CEP41: variants seen among roughly 807,000 people sequenced by gnomAD.
CEP41 encodes the protein centrosomal protein 41, also known as centrosomal protein of 41 kDa.
In CEP41, 32 loss-of-function variants were observed where a neutral mutation model predicts 44.3. The ratio of observed to expected loss-of-function variants is 0.72; its 90% CI spans 0.54 to 0.97. CEP41 has a LOEUF of 0.97. Ranked by LOEUF, CEP41 falls within the 50% of genes least tolerant of loss-of-function variation. The pLI is 0.00. For missense variants in CEP41, 432 were observed against 455.2 expected (o/e 0.95, Z 0.46); for synonymous variants, 151 against 168.5 (o/e 0.90, Z 0.80).
Position 130,411,131 on chromosome 7 carries a change from T to C in CEP41, c.268A>G (p.Arg90Gly). The change falls in exon 5 of 11, where the codon AGG becomes GGG. Residue 90 changes from arginine to glycine, a missense_variant. Coordinates refer to ENST00000223208, the MANE Select transcript of CEP41 (RefSeq NM_018718.3). ...CCTCAATTCTCATTACCTTCCAGCCTTTGAATCTCCTCAGCTGTCACTTCC... is the reference window on the plus strand; with the variant it reads ...CCTCAATTCTCATTACCTTCCAGCCCTTGAATCTCCTCAGCTGTCACTTCC... ...TLEVTAEEIQRLEDNDSAASD... is the reference protein window; with the variant it reads ...TLEVTAEEIQGLEDNDSAASD... 2 of 1,613,992 alleles carry C rather than the reference T, an allele frequency of 1.2e-6. No individual in the cohort carries two copies. Among genetic ancestry groups the C allele is most frequent in the East Asian group, 2.2e-5 (1 of 44,876 alleles).
intron 5 of CEP41, 101 bp from the exon 6 acceptor site, chr7:130,404,809 C>G: frequency 2.0e-6 from 2 of 996,048 alleles, no homozygotes; most frequent in Non-Finnish European, 3.2e-6. Flanking sequence ...ATCTTATCAT[C>G]ATTATTAAAT....
intron 10 of CEP41, chr7:130,399,438 A>G (rs952133365): frequency 8.3e-5 from 21 of 252,392 alleles, no homozygotes; most frequent in Non-Finnish European, 1.5e-4. Flanking sequence ...AAAGCTGCAG[A>G]AGGAATCGAA....
At chr7:130,440,443 G>C (rs1417640000) in intron 1 of CEP41, 4 of 230,206 alleles carry the variant, frequency 1.7e-5, no homozygotes, top group Non-Finnish European at 3.4e-5. Flanking sequence ...GACTAGCGGT[G>C]AAACAGATGA....
In CEP41 at chr7:130,394,439, AAATCT is replaced by A. The variant is rs1562971103; in HGVS notation, c.*4447_*4451del. On this transcript the variant is annotated 3_prime_UTR_variant, in exon 11 of 11. Transcript: ENST00000223208. ...ATTGGCTAGTATTATTATTTTCTGG[AAATCT>A]TCAAGATTTGAAACAAAAGAGAAAA... 2.2e-6 allele frequency: 1 copy of A among 454,092 alleles called. No homozygotes were observed. 28.1% of individuals were successfully genotyped at this position (454,092 alleles called of 1,614,324 possible).
chr7:130,397,553 T>C lies in CEP41; in HGVS notation c.*1338A>G, dbSNP rs1554415307. Reference sequence around the variant, plus strand: ...TTTTTTGGTGGCGAGAAAATAGTACTGTTAAGGCAAATCTTACCCCGTAGC... The same window carrying C: ...TTTTTTGGTGGCGAGAAAATAGTACCGTTAAGGCAAATCTTACCCCGTAGC... On this transcript the variant is annotated 3_prime_UTR_variant, in exon 11 of 11. Coordinates refer to ENST00000223208, the MANE Select transcript of CEP41 (RefSeq NM_018718.3). 4.6e-6 allele frequency: 2 copies of C among 435,750 alleles called. No homozygotes were observed. The highest frequency in any genetic ancestry group is 2.2e-5 in the African/African-American group (1 of 44,812). 27.0% of individuals were successfully genotyped at this position (435,750 alleles called of 1,614,324 possible).
At chr7:130,411,983 A>G in intron 4 of CEP41, 196 bp downstream of exon 4, 1 of 564,918 alleles carries the variant, frequency 1.8e-6, no homozygotes, top group Non-Finnish European at 3.2e-6. Flanking sequence ...ATTCTTATCA[A>G]AGAAGAGAGA....
Position 130,397,802 on chromosome 7 carries a change from T to C in CEP41, c.*1089A>G, listed in dbSNP as rs868916791. On this transcript the variant is annotated 3_prime_UTR_variant, in exon 11 of 11. Coordinates refer to ENST00000223208, the MANE Select transcript of CEP41 (RefSeq NM_018718.3). ...GTCAGTCATTTAGCAATTCAATTAA[T>C]GCTGATTCAAAATTCCGGCCAAAAC... 2 of 444,776 alleles carry C rather than the reference T, an allele frequency of 4.5e-6. No individual in the cohort carries two copies. The highest frequency in any genetic ancestry group is 2.0e-5 in the African/African-American group (1 of 49,724). The allele number at this position is 444,776 out of a possible 1,614,324, so 27.6% of individuals were successfully genotyped here.
intron 5 of CEP41, 101 bp from the exon 6 acceptor site, chr7:130,404,809 C>A: frequency 1.0e-6 from 1 of 996,048 alleles, no homozygotes. Flanking sequence ...ATCTTATCAT[C>A]ATTATTAAAT....
chr7:130,418,736 AAC>A (rs1209273628), intron 2 of CEP41, among the ~76,000 whole-genome samples: 8 of 152,228 alleles, frequency 5.3e-5, no homozygotes, highest in Non-Finnish European at 2.9e-5. Context: ...GTTGTAAAAA[AAC>A]ACAATTAATC....
intron 1 of CEP41, among the ~76,000 whole-genome samples, chr7:130,438,440 T>A (rs1265311861): frequency 2.0e-5 from 3 of 152,086 alleles, no homozygotes; most frequent in African/African-American, 7.2e-5. Context: ...TGCGCCATAG[T>A]CTCAGCTACC....
At chr7:130,404,496 C>T in intron 6 of CEP41, 68 bp downstream of exon 6, 1 of 1,301,218 alleles carries the variant, frequency 7.7e-7, no homozygotes, top group South Asian at 1.2e-5. Flanking sequence ...AAAAAAAGAT[C>T]CCTGAAATTG....
intron 1 of CEP41, among the ~76,000 whole-genome samples, chr7:130,434,714 T>C (rs1231826867): frequency 6.6e-6 from 1 of 152,200 alleles, no homozygotes; most frequent in Non-Finnish European, 1.5e-5. Context: ...AACACTATTT[T>C]TGTAAAATTT....
intron 6 of CEP41, among the ~76,000 whole-genome samples, chr7:130,404,322 C>G (rs186924980): frequency 6.6e-6 from 1 of 151,942 alleles, no homozygotes; most frequent in South Asian, 2.1e-4. Flanking sequence ...AAGAATGGAA[C>G]GAGAAATGAA....
At chr7:130,434,743 GTC>G (rs1432016649) in intron 1 of CEP41, among the ~76,000 whole-genome samples, 2 of 152,138 alleles carry the variant, frequency 1.3e-5, no homozygotes, top group African/African-American at 4.8e-5. Flanking sequence ...ACAAAATAAT[GTC>G]TGTTTTATAT....
intron 6 of CEP41, among the ~76,000 whole-genome samples, chr7:130,403,094 G>A (rs1796904003): frequency 6.6e-6 from 1 of 152,182 alleles, no homozygotes; most frequent in Non-Finnish European, 1.5e-5. Flanking sequence ...GGCACATGCT[G>A]CCTCTAGCCA....
In CEP41 at chr7:130,395,991, T is replaced by C. The variant is rs143721760; in HGVS notation, c.*2900A>G. The C allele has an allele frequency of 2.6e-5, 12 of 454,064 alleles. No homozygotes were observed. Among genetic ancestry groups the C allele is most frequent in the African/African-American group, 2.0e-4 (10 of 50,128 alleles). 28.1% of individuals were successfully genotyped at this position (454,064 alleles called of 1,614,324 possible). Reference sequence around the variant, plus strand: ...ATTACAGCCCAGGGTGTTCCTTTTGTTTTCAAATAAGTAATGTAGCTTTCT... The same window carrying C: ...ATTACAGCCCAGGGTGTTCCTTTTGCTTTCAAATAAGTAATGTAGCTTTCT... On this transcript the variant is annotated 3_prime_UTR_variant, in exon 11 of 11. Coordinates refer to ENST00000223208, the MANE Select transcript of CEP41 (RefSeq NM_018718.3).
chr7:130,428,610 G>A (rs1446097966), intron 1 of CEP41, among the ~76,000 whole-genome samples: 2 of 148,092 alleles, frequency 1.4e-5, no homozygotes, highest in East Asian at 4.0e-4. Flanking sequence ...AAAAAAAAAA[G>A]CTGCCTAAAA....
At position 130,404,482 on chromosome 7, in the gene CEP41, GA is replaced by G. The variant is rs146534304; in HGVS notation, c.422+81del. On this transcript the variant is annotated intron_variant, in intron 6 of 10. Coordinates refer to ENST00000223208, the MANE Select transcript of CEP41 (RefSeq NM_018718.3). ...CCTGCCAGTTCTGTTTCTAAGGCAAGAAAAAAAAAAGATCCCTGAAATTGGC... is the reference window on the plus strand; with the variant it reads ...CCTGCCAGTTCTGTTTCTAAGGCAAGAAAAAAAAAGATCCCTGAAATTGGC... 2,507 of 1,053,440 alleles carry G rather than the reference GA, an allele frequency of 2.4e-3. 1 individual carries two copies. Among genetic ancestry groups the G allele is most frequent in the Non-Finnish European group, 2.6e-3 (1,871 of 707,288 alleles). 65.3% of individuals were successfully genotyped at this position (1,053,440 alleles called of 1,614,324 possible). A position where few individuals can be genotyped will look rare whatever the true frequency, so the allele number is the denominator to read the frequency against.
At chr7:130,428,491 T>C (rs904243299) in intron 1 of CEP41, among the ~76,000 whole-genome samples, 3 of 140,566 alleles carry the variant, frequency 2.1e-5, no homozygotes, top group Admixed American at 1.4e-4. Flanking sequence ...GTCTTTTCAA[T>C]ATAGGATTCT....
Sources: gnomAD v4.1 joint callset for allele counts (sites outside exome capture counted in the v4.1 genomes callset) on GRCh38, gnomAD v4.1.1 for gene constraint, MANE v1.5 for transcripts, NCBI Gene and HGNC (gene_info 2026-07-23, HGNC 2026-07-21) for gene names.